Variants in PKHD1 observed in about 807,000 individuals in gnomAD.
PKHD1 encodes PKHD1 ciliary IPT domain containing fibrocystin/polyductin, also known as fibrocystin.
In PKHD1, 291 loss-of-function variants were observed where a neutral mutation model predicts 412.0. The ratio of observed to expected loss-of-function variants is 0.71; its 90% CI spans 0.64 to 0.78. The LOEUF (loss-of-function observed/expected upper bound fraction) is 0.78. Ranked by LOEUF, PKHD1 falls within the 30% of genes least tolerant of loss-of-function variation. The pLI is 0.00. For synonymous variants in PKHD1, 1,777 were observed against 1,821.5 expected, an observed-to-expected ratio of 0.98 and a Z score of 0.62; for missense variants, 4,825 against 4,950.7, an observed-to-expected ratio of 0.97 and a Z score of 0.76.
In PKHD1 at chr6:51,649,125, T is replaced by A; in HGVS notation, c.11270A>T (p.Glu3757Val). 1 of 1,613,882 alleles carries A rather than the reference T, an allele frequency of 6.2e-7. No homozygotes were observed. Among genetic ancestry groups the A allele is most frequent in the African/African-American group, 1.3e-5 (1 of 75,054 alleles). ...TACCAATTGTGGCTGCACTGGAAGC[T>A]CATTTCCCACTTCTCCATCTGAAGG... Reference protein sequence around the residue: ...VQPSDGEVGNELPVQPQLVFL... With the variant: ...VQPSDGEVGNVLPVQPQLVFL... Residue 3757 changes from glutamate to valine, a missense_variant, in exon 62 of 67, where the codon GAG (glutamate) becomes GTG (valine). By Grantham distance (121) the Glu-to-Val change is moderately radical. Transcript: ENST00000371117.
At chr6:51,830,835 T>A (rs755202265) in intron 52 of PKHD1, 26 bp downstream of exon 52, 1 of 1,607,718 alleles carries the variant, frequency 6.2e-7, no homozygotes, top group Non-Finnish European at 8.5e-7. Flanking sequence ...CTGTCTGTGA[T>A]TCATCTCTTG....
At chr6:51,791,474 T>C (rs1582712705) in intron 52 of PKHD1, 101 bp from the exon 53 acceptor site, 5 of 1,065,882 alleles carry the variant, frequency 4.7e-6, no homozygotes, top group Non-Finnish European at 7.1e-6. Flanking sequence ...TACAGTGTTA[T>C]CTAAACCAGG....
chr6:51,811,553 G>A (rs1219260094), intron 52 of PKHD1, among the ~76,000 whole-genome samples: 1 of 152,052 alleles, frequency 6.6e-6, no homozygotes, highest in Admixed American at 6.6e-5. Flanking sequence ...ATCTTAGCAT[G>A]GCATATAAGA....
intron 55 of PKHD1, among the ~76,000 whole-genome samples, chr6:51,768,390 C>T (rs1789494613): frequency 6.6e-6 from 1 of 151,960 alleles, no homozygotes; most frequent in South Asian, 2.1e-4. Context: ...TTATTCTGAA[C>T]TCTTTTTATG....
intron 53 of PKHD1, among the ~76,000 whole-genome samples, chr6:51,780,675 T>A (rs1202986797): frequency 6.6e-6 from 1 of 152,070 alleles, no homozygotes; most frequent in African/African-American, 2.4e-5. Flanking sequence ...TAGACTGGAT[T>A]TATAATGTTT....
chr6:52,032,257 C>G (rs1407620920), intron 29 of PKHD1, among the ~76,000 whole-genome samples: 1 of 152,108 alleles, frequency 6.6e-6, no homozygotes, highest in African/African-American at 2.4e-5. Flanking sequence ...TTACAATAAA[C>G]CCTTAGATAT....
chr6:51,984,090 G>T (rs1795922227), intron 35 of PKHD1, among the ~76,000 whole-genome samples: 1 of 152,188 alleles, frequency 6.6e-6, no homozygotes, highest in African/African-American at 2.4e-5. Context: ...AAAGGGGCAG[G>T]CCACAAGGCA....
intron 60 of PKHD1, among the ~76,000 whole-genome samples, chr6:51,742,644 T>G (rs553922958): frequency 5.3e-5 from 8 of 152,330 alleles, no homozygotes; most frequent in African/African-American, 1.7e-4. Context: ...TCCATTCATT[T>G]GATCAGTCAA....
intron 52 of PKHD1, among the ~76,000 whole-genome samples, chr6:51,813,591 T>C (rs138764199): frequency 5.9e-5 from 9 of 152,310 alleles, no homozygotes; most frequent in East Asian, 3.9e-4. Context: ...TGATTTTAAC[T>C]TCTGACCACT....
intron 60 of PKHD1, among the ~76,000 whole-genome samples, chr6:51,667,378 T>A (rs1487614655): frequency 5.1e-4 from 78 of 151,840 alleles, no homozygotes; most frequent in Admixed American, 9.2e-4. Flanking sequence ...CTTTGCCCAC[T>A]TTTTAATGGG....
intron 49 of PKHD1, among the ~76,000 whole-genome samples, chr6:51,851,135 C>G (rs1252787386): frequency 1.3e-5 from 2 of 152,166 alleles, no homozygotes; most frequent in Non-Finnish European, 2.9e-5. Flanking sequence ...AAGGCCCTTT[C>G]TGCATCTATT....
intron 21 of PKHD1, among the ~76,000 whole-genome samples, chr6:52,051,233 C>A (rs1806798308): frequency 6.6e-6 from 1 of 152,138 alleles, no homozygotes; most frequent in Non-Finnish European, 1.5e-5. Context: ...GTTTCCCCAC[C>A]CATAGGTGGG....
At chr6:51,843,768 G>A (rs1003928015) in intron 50 of PKHD1, among the ~76,000 whole-genome samples, 1 of 152,200 alleles carries the variant, frequency 6.6e-6, no homozygotes, top group Non-Finnish European at 1.5e-5. Flanking sequence ...TGCACACAAG[G>A]TTCTTCACTT....
chr6:52,086,081 C>T (rs1451141071), intron 1 of PKHD1, among the ~76,000 whole-genome samples: 1 of 145,758 alleles, frequency 6.9e-6, no homozygotes, highest in Non-Finnish European at 1.5e-5. Flanking sequence ...TACCTACATA[C>T]ACACACACAC....
chr6:52,053,522 C>T (rs1807210917), intron 20 of PKHD1, among the ~76,000 whole-genome samples: 1 of 152,210 alleles, frequency 6.6e-6, no homozygotes, highest in South Asian at 2.1e-4. Context: ...TTTCAAATTA[C>T]AGTTTAACTG....
intron 36 of PKHD1, among the ~76,000 whole-genome samples, chr6:51,954,313 A>G (rs1790798428): frequency 1.3e-5 from 2 of 152,116 alleles, no homozygotes; most frequent in South Asian, 4.1e-4. Flanking sequence ...CATTATAACC[A>G]GGTATCACCT....
chr6:51,704,285 G>A (rs73738160), intron 60 of PKHD1, among the ~76,000 whole-genome samples: 4,325 of 152,106 alleles, frequency 0.028, 170 homozygotes, highest in African/African-American at 0.08. Flanking sequence ...GCAAAGGAGA[G>A]TGGTACCTGA....
chr6:51,881,849 A>G (rs1341306348), intron 46 of PKHD1, among the ~76,000 whole-genome samples: 12 of 152,128 alleles, frequency 7.9e-5, no homozygotes, highest in African/African-American at 2.9e-4. Flanking sequence ...ACTGTTTAAC[A>G]TTTTCCACCA....
At chr6:51,737,455 T>A (rs934389641) in intron 60 of PKHD1, among the ~76,000 whole-genome samples, 1 of 152,202 alleles carries the variant, frequency 6.6e-6, no homozygotes, top group Admixed American at 6.5e-5. Flanking sequence ...TAATTAAGAT[T>A]GTAAATATTC....
Sources: gnomAD v4.1 joint callset for allele counts (sites outside exome capture counted in the v4.1 genomes callset) on GRCh38, gnomAD v4.1.1 for gene constraint, MANE v1.5 for transcripts, NCBI Gene and HGNC (gene_info 2026-07-23, HGNC 2026-07-21) for gene names.